The following SFPQ variants were observed in gnomAD, a reference collection of about 807,000 sequenced individuals.
The protein encoded by SFPQ is splicing factor proline and glutamine rich.
A neutral mutation model predicts 72.9 loss-of-function variants in SFPQ; 11 were observed. The ratio of observed to expected loss-of-function variants is 0.15; its 90% CI spans 0.09 to 0.25. SFPQ has a LOEUF of 0.25. Among genes scored for constraint, SFPQ ranks in the 10% least tolerant of loss-of-function variants. SFPQ has a pLI of 1.00. For synonymous variants in SFPQ, 506 were observed against 367.3 expected (o/e 1.38, Z -4.32); for missense variants, 847 against 993.3 (o/e 0.85, Z 1.98).
chr1:35,191,190 A>T, intron 2 of SFPQ, 151 bp downstream of exon 2: 1 of 822,290 alleles, frequency 1.2e-6, no homozygotes, highest in Admixed American at 2.8e-5. Flanking sequence ...ATTATGCATT[A>T]TACCGCAAGC....
chr1:35,179,862 G>T, downstream of SFPQ: 1 of 1,053,614 alleles, frequency 9.5e-7, no homozygotes, highest in Non-Finnish European at 1.1e-6. Context: ...ACTGGCCACC[G>T]ATTTAATGGA....
chr1:35,183,823 ATCTTAATACATATTCCTGAAGAT>A lies in SFPQ; in HGVS notation c.*610_*632del. The A allele has an allele frequency of 9.5e-7, 1 of 1,055,646 alleles. No individual in the cohort carries two copies. Among genetic ancestry groups the A allele is most frequent in the South Asian group, 4.6e-5 (1 of 21,870 alleles). The allele number at this position is 1,055,646 out of a possible 1,614,324, so 65.4% of individuals were successfully genotyped here. A position where few individuals can be genotyped will look rare whatever the true frequency, so the allele number is the denominator to read the frequency against. On this transcript the variant is annotated 3_prime_UTR_variant, in exon 10 of 10. Transcript: ENST00000357214. ...CCAATTGTCTTACACCCATTCCACA[ATCTTAATACATATTCCTGAAGAT>A]TTACAGTTCAGCTTTGCTTACATAA...
chr1:35,192,073 G>T (rs991473527), intron 1 of SFPQ, 149 bp downstream of exon 1: 47 of 498,698 alleles, frequency 9.4e-5, no homozygotes, highest in African/African-American at 7.8e-4. Flanking sequence ...GCCGACCGAC[G>T]GCCCCGCAGG....
chr1:35,191,111 C>G (rs1255566271), intron 2 of SFPQ, 116 bp from the exon 3 acceptor site: 3 of 974,422 alleles, frequency 3.1e-6, no homozygotes, highest in Non-Finnish European at 4.6e-6. Context: ...CGACCATTAC[C>G]TTTAGGCAGC....
chr1:35,192,151 CG>C (rs2148627533), intron 1 of SFPQ, 70 bp downstream of exon 1: 7 of 1,217,930 alleles, frequency 5.7e-6, no homozygotes, highest in East Asian at 6.6e-5. Flanking sequence ...AAGCCCAGCG[CG>C]GGGGCGGGGG....
chr1:35,188,353 A>T (rs1266073308), intron 6 of SFPQ, among the ~76,000 whole-genome samples: 1 of 152,196 alleles, frequency 6.6e-6, no homozygotes, highest in Non-Finnish European at 1.5e-5. Flanking sequence ...TGACCTGAAA[A>T]ACTAAGTACA....
downstream of SFPQ, chr1:35,180,508 G>A (rs1639423183): frequency 9.5e-7 from 1 of 1,050,408 alleles, no homozygotes; most frequent in Non-Finnish European, 1.1e-6. Flanking sequence ...CTTCCCCCAG[G>A]TTTAGAGTAT....
At position 35,192,257 on chromosome 1, in the gene SFPQ, C is replaced by G. The variant is rs1460148632; in HGVS notation, c.793G>C (p.Gly265Arg). 1 of 1,463,126 alleles carries G rather than the reference C, an allele frequency of 6.8e-7. No individual in the cohort carries two copies. The highest frequency in any genetic ancestry group is 9.0e-7 in the Non-Finnish European group (1 of 1,115,024). 90.6% of individuals were successfully genotyped at this position (1,463,126 alleles called of 1,614,324 possible). The change falls in exon 1 of 10, where the codon GGC (glycine) becomes CGC (arginine). Residue 265 changes from glycine (G) to arginine (R), a missense_variant. This residue lies in a region of SFPQ where 498 missense variants were observed against 405.1 expected (regional missense o/e 1.23). Coordinates refer to ENST00000357214, the MANE Select transcript of SFPQ (RefSeq NM_005066.3). ...GAGATCTTCTCCTCGCTGCGGCCGC[C>G]GGGCCCGCCGGGCGGGGGCCCCTGG... is the stretch of plus-strand genomic sequence containing the variant. Reference protein sequence around the residue: ...HHQGPPPGGPGGRSEEKISDS... With the variant: ...HHQGPPPGGPRGRSEEKISDS...
intron 7 of SFPQ, 125 bp downstream of exon 7, chr1:35,187,848 T>C (rs1639799422): frequency 1.5e-6 from 1 of 687,416 alleles, no homozygotes; most frequent in South Asian, 1.8e-5. Context: ...TCAAACATAA[T>C]ATACTTTGTT....
chr1:35,186,361 G>A (rs1639711599), intron 9 of SFPQ, among the ~76,000 whole-genome samples: 1 of 152,130 alleles, frequency 6.6e-6, no homozygotes. Flanking sequence ...GCATCAAGAA[G>A]GTTCAGATCA....
chr1:35,190,621 C>T (rs771360390), intron 3 of SFPQ, 28 bp from the exon 4 acceptor site: 1 of 1,609,316 alleles, frequency 6.2e-7, no homozygotes, highest in South Asian at 1.1e-5. Context: ...TCCATCTTAG[C>T]TTTGTTCCAG....
Position 35,191,014 on chromosome 1 carries a change from C to A in SFPQ, c.1018-19G>T. On this transcript the variant is annotated intron_variant, in intron 2 of 9. Transcript: ENST00000357214. The stretch of plus-strand genomic sequence containing the variant: ...TAGATTCCTGTGTATCAGAGACACT[C>A]ATGTTAATGACCTCAAAATTGGATG... 1 of 1,600,614 alleles carries A rather than the reference C, an allele frequency of 6.2e-7. No individual in the cohort carries two copies. Among genetic ancestry groups the A allele is most frequent in the South Asian group, 1.1e-5 (1 of 89,684 alleles).
rs921178485 is a variant in SFPQ at position 35,192,760 on chromosome 1, TGCTGCTGATGCG to T, written c.278_289del (p.Pro93_Gln96del). 2.3e-5 allele frequency: 35 copies of T among 1,497,100 alleles called. No homozygotes were observed. Among genetic ancestry groups the T allele is most frequent in the Admixed American group, 4.4e-5 (2 of 45,898 alleles). The allele number at this position is 1,497,100 out of a possible 1,614,324, so 92.7% of individuals were successfully genotyped here. On this transcript the variant is annotated inframe_deletion, in exon 1 of 10. Coordinates refer to ENST00000357214, the MANE Select transcript of SFPQ (RefSeq NM_005066.3). ...GTCCTGCGGCGGTGGCGGCGGCTGC[TGCTGCTGATGCG>T]GCTGTGGATGCGGCGGCGGCTGATG...
chr1:35,179,677 G>A (rs768227965), downstream of SFPQ: 44 of 1,056,114 alleles, frequency 4.2e-5, no homozygotes, highest in Admixed American at 1.6e-4. Flanking sequence ...AAGTGCAAAA[G>A]CCTAATCATC....
chr1:35,187,356 C>A, intron 7 of SFPQ, 105 bp from the exon 8 acceptor site: 1 of 1,023,526 alleles, frequency 9.8e-7, no homozygotes, highest in Non-Finnish European at 1.5e-6. Flanking sequence ...TGGTAAAGTT[C>A]AAAAGTTCAT....
Position 35,190,607 on chromosome 1 carries a change from T to C in SFPQ, c.1320-14A>G. ...GGACGAGGAGTTCTAATAACAAAAA[T>C]GGTTCCATCTTAGCTTTGTTCCAGT... On this transcript the variant is annotated splice_polypyrimidine_tract_variant and intron_variant, in intron 3 of 9. Transcript: ENST00000357214. 2 of 1,610,448 alleles carry C rather than the reference T, an allele frequency of 1.2e-6. No individual in the cohort carries two copies. Among genetic ancestry groups the C allele is most frequent in the South Asian group, 1.1e-5 (1 of 90,348 alleles).
intron 9 of SFPQ, among the ~76,000 whole-genome samples, chr1:35,185,078 C>G (rs938062924): frequency 6.6e-6 from 1 of 152,118 alleles, no homozygotes; most frequent in Admixed American, 6.5e-5. Context: ...AAACCTTGTG[C>G]TTTTCAAGAT....
chr1:35,188,084 C>T lies in SFPQ; in HGVS notation c.1704G>A (p.Glu568=). The T allele has an allele frequency of 6.2e-7, 1 of 1,611,640 alleles. No individual in the cohort carries two copies. Among genetic ancestry groups the T allele is most frequent in the Non-Finnish European group, 8.5e-7 (1 of 1,177,832 alleles). The change falls in exon 7 of 10, where the codon GAG becomes GAA. Residue 568 remains glutamate, a synonymous_variant. Transcript: ENST00000357214. ...QKRKEMQLRQ[E]EERRRREEEM... ...CTTCCTCTCTTCTACGTCGTTCCTC[C>T]TCTTGCCTAGAAATACCCATCAGGT...
At chr1:35,184,897 C>T (rs1404844595) in intron 9 of SFPQ, among the ~76,000 whole-genome samples, 1 of 152,134 alleles carries the variant, frequency 6.6e-6, no homozygotes, top group East Asian at 1.9e-4. Flanking sequence ...AAAATGAGTT[C>T]TAAGAAATTT....
Sources: gnomAD v4.1 joint callset for allele counts (sites outside exome capture counted in the v4.1 genomes callset) on GRCh38, gnomAD v4.1.1 for gene constraint, gnomAD v4.1.1 regional missense constraint, MANE v1.5 for transcripts, NCBI Gene and HGNC (gene_info 2026-07-23, HGNC 2026-07-21) for gene names.